RASA1: variants seen among roughly 807,000 people sequenced by gnomAD.
The protein encoded by RASA1 is RAS p21 protein activator 1.
Under a neutral mutation model 132.2 loss-of-function variants are expected in RASA1, and 25 were observed. The ratio of observed to expected loss-of-function variants is 0.19; its 90% CI spans 0.14 to 0.26. The LOEUF (loss-of-function observed/expected upper bound fraction) is 0.26, where lower values mean the gene tolerates loss of function less well. Ranked by LOEUF, RASA1 falls within the 10% of genes least tolerant of loss-of-function variation. The probability of loss-of-function intolerance (pLI) is 1.00; values close to 1 mark genes in which losing one functional copy is unlikely to be tolerated. For missense variants in RASA1, 964 were observed against 1,299.2 expected (o/e 0.74, Z 3.97); for synonymous variants, 477 against 449.9 (o/e 1.06, Z -0.76).
chr5:87,384,488 A>G (rs1282790991), intron 21 of RASA1, among the ~76,000 whole-genome samples: 1 of 152,056 alleles, frequency 6.6e-6, no homozygotes, highest in Admixed American at 6.6e-5. Context: ...GAATGTCTTA[A>G]TTTTTACTTC....
intron 8 of RASA1, among the ~76,000 whole-genome samples, chr5:87,352,806 C>T (rs1297005533): frequency 6.6e-6 from 1 of 151,408 alleles, no homozygotes; most frequent in African/African-American, 2.4e-5. Flanking sequence ...ATTCTTCATT[C>T]TTAGTATCTC....
intron 12 of RASA1, 106 bp from the exon 13 acceptor site, chr5:87,372,012 C>G (rs1760983203): frequency 5.9e-6 from 5 of 854,076 alleles, no homozygotes; most frequent in South Asian, 1.6e-5. Flanking sequence ...AAATGGCAGT[C>G]TAGAGAAGGA....
At chr5:87,363,810 A>G (rs191196004) in intron 11 of RASA1, among the ~76,000 whole-genome samples, 11 of 152,190 alleles carry the variant, frequency 7.2e-5, no homozygotes, top group Admixed American at 6.5e-4. Context: ...ATTTTTTCAC[A>G]TGGTTTAACT....
chr5:87,287,032 ATATATACACACCATATATATACCCCATG>A, intron 1 of RASA1, among the ~76,000 whole-genome samples: 2 of 147,308 alleles, frequency 1.4e-5, no homozygotes, highest in Non-Finnish European at 3.0e-5. Flanking sequence ...TATATACCAT[ATATATACACACCATATATATACCCCATG>A]TATATACACA....
chr5:87,301,385 T>A (rs1755354670), intron 1 of RASA1, among the ~76,000 whole-genome samples: 1 of 152,154 alleles, frequency 6.6e-6, no homozygotes, highest in Admixed American at 6.6e-5. Flanking sequence ...GTATCTTCAG[T>A]GTTCAGCACA....
intron 1 of RASA1, among the ~76,000 whole-genome samples, chr5:87,287,205 C>CAT (rs771806531): frequency 2.1e-5 from 3 of 140,638 alleles, no homozygotes; most frequent in Non-Finnish European, 4.6e-5. Flanking sequence ...ATATACACAC[C>CAT]ATATATATAC....
intron 1 of RASA1, among the ~76,000 whole-genome samples, chr5:87,291,847 A>G (rs1051823720): frequency 6.6e-6 from 1 of 152,214 alleles, no homozygotes; most frequent in Admixed American, 6.5e-5. Context: ...CTGCAGAACC[A>G]TGAGCCAGTT....
At position 87,362,691 on chromosome 5, in the gene RASA1, A is replaced by T. The variant is rs775159328; in HGVS notation, c.1453+20A>T. 21 of 1,599,456 alleles carry T rather than the reference A, an allele frequency of 1.3e-5. No homozygotes were observed. Among genetic ancestry groups the T allele is most frequent in the Non-Finnish European group, 1.6e-5 (19 of 1,167,246 alleles). The stretch of plus-strand genomic sequence containing the variant: ...AAAAGGGTAAGTTCAGACTTTTATC[A>T]TTAACCCATTTGATAGAGACGTTGT... On this transcript the variant is annotated intron_variant, in intron 10 of 24. Transcript: ENST00000274376.
intron 6 of RASA1, among the ~76,000 whole-genome samples, chr5:87,344,375 T>C (rs902188942): frequency 1.1e-4 from 17 of 152,300 alleles, no homozygotes; most frequent in African/African-American, 3.8e-4. Context: ...TTGAATCTTA[T>C]ACTGATTCTC....
intron 11 of RASA1, among the ~76,000 whole-genome samples, chr5:87,363,955 C>T (rs1343234190): frequency 1.3e-5 from 2 of 151,970 alleles, no homozygotes; most frequent in African/African-American, 4.8e-5. Flanking sequence ...AAAAAAAATT[C>T]TTATGTTGAC....
At chr5:87,317,005 C>G (rs1756391899) in intron 1 of RASA1, among the ~76,000 whole-genome samples, 1 of 152,056 alleles carries the variant, frequency 6.6e-6, no homozygotes, top group East Asian at 1.9e-4. Flanking sequence ...GCCTCAGACT[C>G]CCGAGTAGCT....
intron 23 of RASA1, among the ~76,000 whole-genome samples, chr5:87,387,285 G>A (rs1291341934): frequency 6.6e-6 from 1 of 152,030 alleles, no homozygotes; most frequent in African/African-American, 2.4e-5. Flanking sequence ...ACACAGTTCT[G>A]ACCAGGTTAA....
At chr5:87,326,014 C>T (rs183371887) in intron 1 of RASA1, among the ~76,000 whole-genome samples, 1 of 152,248 alleles carries the variant, frequency 6.6e-6, no homozygotes, top group Non-Finnish European at 1.5e-5. Flanking sequence ...CTCTGTTGCC[C>T]AGTCTAGAGT....
chr5:87,353,173 G>T lies in RASA1; in HGVS notation c.1270G>T (p.Asp424Tyr). 6.2e-7 allele frequency: 1 copy of T among 1,610,044 alleles called. No homozygotes were observed. The highest frequency in any genetic ancestry group is 1.3e-5 in the African/African-American group (1 of 74,888). The change falls in exon 9 of 25, where the codon GAT (aspartate) becomes TAT (tyrosine). Residue 424 changes from aspartate to tyrosine, a missense_variant. By Grantham distance (160) the Asp-to-Tyr change is radical. This residue lies in a region of RASA1 where 154 missense variants were observed against 286.5 expected (regional missense o/e 0.54). Coordinates refer to ENST00000274376, the MANE Select transcript of RASA1 (RefSeq NM_002890.3). ...TTTTAACAGCATTGGGGACATCATA[G>T]ATCACTATCGAAAAGAACAGATTGT... ...RYYNSIGDII[D>Y]HYRKEQIVEG...
intron 17 of RASA1, among the ~76,000 whole-genome samples, chr5:87,377,550 T>C (rs1366776284): frequency 6.6e-6 from 1 of 152,144 alleles, no homozygotes; most frequent in Non-Finnish European, 1.5e-5. Flanking sequence ...TTGGCCAGGC[T>C]GGTCTTGAAC....
intron 1 of RASA1, 126 bp downstream of exon 1, chr5:87,269,116 G>T (rs182129079): frequency 1.2e-5 from 19 of 1,613,610 alleles, no homozygotes; most frequent in Non-Finnish European, 1.5e-5. Context: ...GAAGTTTCAG[G>T]TTTCTTGGGT....
intron 13 of RASA1, among the ~76,000 whole-genome samples, chr5:87,373,134 C>G (rs1232680926): frequency 1.3e-5 from 2 of 152,150 alleles, no homozygotes; most frequent in African/African-American, 4.8e-5. Context: ...TCATAGCTAA[C>G]ATCTCTCAAG....
chr5:87,333,212 G>A (rs1165553508), intron 3 of RASA1, 55 bp from the exon 4 acceptor site: 1 of 1,594,898 alleles, frequency 6.3e-7, no homozygotes, highest in East Asian at 2.3e-5. Context: ...TACCTCTTTT[G>A]ACTTTAAGAT....
chr5:87,357,947 G>A (rs1222580425), intron 9 of RASA1, among the ~76,000 whole-genome samples: 2 of 152,152 alleles, frequency 1.3e-5, no homozygotes, highest in Non-Finnish European at 2.9e-5. Context: ...AGTGCTATTT[G>A]TAGTCTATTA....
Sources: allele counts gnomAD v4.1 joint callset (sites outside exome capture counted in the v4.1 genomes callset), GRCh38; gene constraint gnomAD v4.1.1; regional missense constraint gnomAD v4.1.1; transcripts MANE v1.5; gene names NCBI Gene and HGNC (gene_info 2026-07-23, HGNC 2026-07-21).